SLC47A2: variants seen among roughly 807,000 people sequenced by gnomAD.
SLC47A2 encodes the protein multidrug and toxin extrusion protein 2.
Under a neutral mutation model 67.7 loss-of-function variants are expected in SLC47A2, and 52 were observed. That is an observed-to-expected ratio of 0.77 (90% CI 0.61 to 0.97). The LOEUF is 0.97. Among genes scored for constraint, SLC47A2 ranks in the 50% least tolerant of loss-of-function variants. The pLI is 0.00. For missense variants in SLC47A2, 676 were observed against 712.3 expected (o/e 0.95, Z 0.58); for synonymous variants, 278 against 292.9 (o/e 0.95, Z 0.52).
At chr17:19,707,714 C>CTCAG (rs767361604) in intron 8 of SLC47A2, 32 bp downstream of exon 8, 4 of 1,557,714 alleles carry the variant, frequency 2.6e-6, no homozygotes, top group Non-Finnish European at 3.5e-6. Context: ...CGCTGGCCTG[C>CTCAG]TCAGCCTCCC....
chr17:19,706,837 C>T (rs1490791920), intron 8 of SLC47A2, 76 bp from the exon 9 acceptor site: 3 of 1,120,694 alleles, frequency 2.7e-6, no homozygotes, highest in Non-Finnish European at 2.6e-6. Flanking sequence ...TGCCAGGAGG[C>T]CCCTAAACCC....
intron 15 of SLC47A2, among the ~76,000 whole-genome samples, chr17:19,680,952 G>A (rs951656396): frequency 1.3e-5 from 2 of 152,000 alleles, no homozygotes; most frequent in Admixed American, 6.5e-5. Context: ...CCTGCAGCAC[G>A]CCTGTAATCC....
intron 5 of SLC47A2, among the ~76,000 whole-genome samples, chr17:19,710,108 C>G (rs1055733242): frequency 7.9e-5 from 12 of 152,158 alleles, no homozygotes; most frequent in Non-Finnish European, 1.3e-4. Context: ...CCCAAACATT[C>G]CCCCTGGTGC....
upstream of SLC47A2, chr17:19,718,973 C>A (rs1434200558): frequency 6.6e-6 from 1 of 152,334 alleles, no homozygotes; most frequent in Non-Finnish European, 1.5e-5. Context: ...TTGAGCGGAG[C>A]TGCACATGGC....
At chr17:19,679,700 C>G (rs1388148375) in intron 16 of SLC47A2, among the ~76,000 whole-genome samples, 1 of 151,974 alleles carries the variant, frequency 6.6e-6, no homozygotes, top group African/African-American at 2.4e-5. Context: ...ACTTCCTCAT[C>G]TGAAAATGGG....
intron 13 of SLC47A2, 140 bp downstream of exon 13, chr17:19,702,465 T>G: frequency 6.8e-7 from 1 of 1,460,122 alleles, no homozygotes; most frequent in Non-Finnish European, 9.1e-7. Flanking sequence ...TATCAGCAAA[T>G]ACTTTGGGCA....
chr17:19,714,626 C>A, intron 3 of SLC47A2, 95 bp downstream of exon 3: 5 of 1,461,318 alleles, frequency 3.4e-6, no homozygotes, highest in Non-Finnish European at 4.8e-6. Flanking sequence ...CCCAGATCAC[C>A]TGGCTGCGCC....
intron 13 of SLC47A2, chr17:19,702,030 G>T: frequency 3.2e-6 from 2 of 624,748 alleles, no homozygotes; most frequent in Non-Finnish European, 4.0e-6. Flanking sequence ...GATCACTTGA[G>T]CTCAGGAGGT....
chr17:19,703,271 C>A, intron 11 of SLC47A2, 104 bp from the exon 12 acceptor site: 1 of 997,206 alleles, frequency 1.0e-6, no homozygotes, highest in Non-Finnish European at 1.6e-6. Flanking sequence ...GTCAGCCCAG[C>A]CCTCTGCAAC....
intron 15 of SLC47A2, among the ~76,000 whole-genome samples, chr17:19,681,063 A>G (rs1406198848): frequency 1.3e-5 from 2 of 152,072 alleles, no homozygotes; most frequent in African/African-American, 4.8e-5. Context: ...AATACAAAAA[A>G]TTAGCTGGGC....
At chr17:19,711,512 C>G (rs528949418) in intron 5 of SLC47A2, among the ~76,000 whole-genome samples, 1 of 128,710 alleles carries the variant, frequency 7.8e-6, no homozygotes, top group South Asian at 2.7e-4. Context: ...TTGCTTGAAT[C>G]TGGGAGGCAG....
intron 9 of SLC47A2, among the ~76,000 whole-genome samples, chr17:19,705,718 G>A (rs1037127487): frequency 4.0e-5 from 6 of 151,866 alleles, no homozygotes; most frequent in African/African-American, 1.2e-4. Context: ...CCCACCTCAG[G>A]CCCCCAAGTA....
intron 12 of SLC47A2, 124 bp from the exon 13 acceptor site, chr17:19,702,798 A>T: frequency 9.0e-7 from 1 of 1,115,162 alleles, no homozygotes; most frequent in Non-Finnish European, 1.3e-6. Context: ...TGCCCCACAC[A>T]AATGTAACTG....
At position 19,687,377 on chromosome 17, in the gene SLC47A2, C is replaced by G. The variant is rs1185923780; in HGVS notation, c.1165-5707G>C. 2.0e-5 allele frequency among the ~76,000 whole-genome samples: 3 copies of G among 151,866 alleles called. No homozygotes were observed. In the East Asian group the frequency reaches 5.8e-4, roughly 29 times the overall value. ...TAACCTAATGATGCATCTTAAAGAA[C>G]TAGAAAAGCAAGAGAAAACCAAACC... is the stretch of plus-strand genomic sequence containing the variant. On this transcript the variant is annotated intron_variant, in intron 13 of 16. Coordinates refer to ENST00000433844, the MANE Select transcript of SLC47A2 (RefSeq NM_001099646.3).
chr17:19,714,672 T>G, intron 3 of SLC47A2, 49 bp downstream of exon 3: 1 of 1,607,704 alleles, frequency 6.2e-7, no homozygotes, highest in Non-Finnish European at 8.5e-7. Context: ...CCTGTGGAAT[T>G]GGCTCTGCCC....
rs527936810 is a variant in SLC47A2 at position 19,707,925 on chromosome 17, G to C, written c.630-82C>G. 1.0e-4 allele frequency: 138 copies of C among 1,332,110 alleles called. No homozygotes were observed. The African/African-American group carries it at 1.7e-3, about 16-fold the overall frequency. The allele number at this position is 1,332,110 out of a possible 1,614,324, so 82.5% of individuals were successfully genotyped here. A position where few individuals can be genotyped will look rare whatever the true frequency, so the allele number is the denominator to read the frequency against. On this transcript the variant is annotated intron_variant, in intron 7 of 16. Transcript: ENST00000433844. ...GCCTGAGAGAGAGGTGGCTCTGGCG[G>C]CCAGCCCGTGTGGGGCAGGCATGGC...
intron 13 of SLC47A2, chr17:19,692,291 C>T (rs1023680330): frequency 2.3e-6 from 1 of 433,850 alleles, no homozygotes; most frequent in African/African-American, 2.1e-5. Flanking sequence ...AGGATCTGAT[C>T]TTGGTAAAAT....
chr17:19,685,718 T>C lies in SLC47A2; in HGVS notation c.1165-4048A>G, dbSNP rs753241087. Among the ~76,000 whole-genome samples, 3 of 152,220 alleles carry C rather than the reference T, an allele frequency of 2.0e-5. No individual in the cohort carries two copies. The highest frequency in any genetic ancestry group is 4.4e-5 in the Non-Finnish European group (3 of 68,038). On this transcript the variant is annotated intron_variant, in intron 13 of 16. Coordinates refer to ENST00000433844, the MANE Select transcript of SLC47A2 (RefSeq NM_001099646.3). This position sits in a 1 kb window ranked among gnomAD's most constrained non-coding sequence, Gnocchi z 4.5. ...AACCAGAGACCTTTGTTCTGGTGTT[T>C]ATCTGCTGGCCTTCTCTCCACTATT...
intron 13 of SLC47A2, among the ~76,000 whole-genome samples, chr17:19,687,323 C>A (rs530300078): frequency 1.3e-5 from 2 of 152,152 alleles, no homozygotes; most frequent in East Asian, 3.9e-4. Context: ...TAAACACCTA[C>A]GTCAAAAAGT....
Sources: gnomAD v4.1 joint callset for allele counts (sites outside exome capture counted in the v4.1 genomes callset) on GRCh38, gnomAD v4.1.1 for gene constraint, Gnocchi (gnomAD v3.1) non-coding constraint, MANE v1.5 for transcripts, NCBI Gene and HGNC (gene_info 2026-07-23, HGNC 2026-07-21) for gene names.